Variants in USP14 observed in about 807,000 individuals in gnomAD.
USP14 encodes ubiquitin carboxyl-terminal hydrolase 14.
In USP14, 38 loss-of-function variants were observed where a neutral mutation model predicts 76.5. The observed-to-expected ratio is 0.50, with a 90% CI of 0.38 to 0.65. The LOEUF (loss-of-function observed/expected upper bound fraction) is 0.65, where lower values mean the gene tolerates loss of function less well. Ranked by LOEUF, USP14 falls within the 30% of genes least tolerant of loss-of-function variation. The pLI, the probability that USP14 is intolerant of heterozygous loss-of-function variation, is 0.00. For missense variants in USP14, 467 were observed against 586.5 expected (o/e 0.80, Z 2.10); for synonymous variants, 192 against 191.7 (o/e 1.00, Z -0.01).
chr18:193,119 G>A (rs1208900903), intron 6 of USP14, among the ~76,000 whole-genome samples: 1 of 151,870 alleles, frequency 6.6e-6, no homozygotes, highest in Non-Finnish European at 1.5e-5. Flanking sequence ...GGATTTTTTT[G>A]GATTAAATTA....
intron 10 of USP14, among the ~76,000 whole-genome samples, chr18:200,680 A>G (rs1054499698): frequency 3.9e-5 from 6 of 152,222 alleles, no homozygotes; most frequent in African/African-American, 1.4e-4. Context: ...GGGGATATGT[A>G]TATCTCTCGA....
intron 13 of USP14, among the ~76,000 whole-genome samples, chr18:208,333 TAGTG>T (rs913239518): frequency 1.4e-4 from 22 of 152,176 alleles, no homozygotes; most frequent in African/African-American, 4.1e-4. Context: ...GTAGAGTGTT[TAGTG>T]AGTGAGATCC....
chr18:195,096 T>A (rs1217334055), intron 6 of USP14, among the ~76,000 whole-genome samples: 1 of 152,116 alleles, frequency 6.6e-6, no homozygotes, highest in East Asian at 1.9e-4. Flanking sequence ...AGTTGTTATA[T>A]CTTATTAGTC....
At chr18:171,032 A>ATATATATATATATATATATC (rs1568416833) in intron 3 of USP14, among the ~76,000 whole-genome samples, 1 of 68,622 alleles carries the variant, frequency 1.5e-5, no homozygotes, top group Non-Finnish European at 2.9e-5. Context: ...AAAAATATAT[A>ATATATATATATATATATATC]TATATATATA....
chr18:164,366 G>T (rs1436460221), intron 2 of USP14, among the ~76,000 whole-genome samples: 2 of 151,146 alleles, frequency 1.3e-5, no homozygotes, highest in African/African-American at 4.9e-5. Context: ...AAGCACTTCA[G>T]CATTTTTACC....
chr18:213,330 A>ATT lies in USP14; in HGVS notation c.*2047_*2048dup, dbSNP rs1407002077. ...TATGGACTATATTAGAATTTTAAAA[A>ATT]TTGTAATTAATTCCTTATCATCATT... On this transcript the variant is annotated 3_prime_UTR_variant, in exon 16 of 16. Coordinates refer to ENST00000261601, the MANE Select transcript of USP14 (RefSeq NM_005151.4). The ATT allele has an allele frequency of 1.3e-5, 2 of 148,248 alleles. No homozygotes were observed. The highest frequency in any genetic ancestry group is 3.0e-5 in the Non-Finnish European group (2 of 66,398). 9.2% of individuals were successfully genotyped at this position (148,248 alleles called of 1,614,324 possible).
At chr18:163,536 A>G (rs1909183815) in intron 2 of USP14, 83 bp downstream of exon 2, 1 of 1,472,410 alleles carries the variant, frequency 6.8e-7, no homozygotes. Context: ...TTTAATTTTA[A>G]TGTAGCATTT....
chr18:182,845 G>A (rs1351803292), intron 5 of USP14, among the ~76,000 whole-genome samples: 2 of 152,202 alleles, frequency 1.3e-5, no homozygotes, highest in Non-Finnish European at 2.9e-5. Context: ...AACATACTCA[G>A]TGCAACTGCC....
At chr18:168,145 C>T (rs549127520) in intron 3 of USP14, among the ~76,000 whole-genome samples, 24 of 151,786 alleles carry the variant, frequency 1.6e-4, no homozygotes, top group South Asian at 4.2e-4. Context: ...AGGCTGGTCT[C>T]GAACTCCCGA....
At chr18:201,556 T>A (rs1458213541) in intron 10 of USP14, among the ~76,000 whole-genome samples, 1 of 152,210 alleles carries the variant, frequency 6.6e-6, no homozygotes, top group East Asian at 1.9e-4. Flanking sequence ...CCAGTGTGGA[T>A]ATGAACATGG....
At chr18:165,010 G>C (rs906938217) in intron 2 of USP14, among the ~76,000 whole-genome samples, 1 of 151,962 alleles carries the variant, frequency 6.6e-6, no homozygotes, top group Non-Finnish European at 1.5e-5. Flanking sequence ...GTGCAGTGGC[G>C]CCATCTCGGC....
chr18:199,372 G>A lies in USP14; in HGVS notation c.876+56G>A, dbSNP rs142009010. The A allele has an allele frequency of 1.4e-4, 185 of 1,279,566 alleles. No individual in the cohort carries two copies. In the East Asian group the frequency reaches 4.4e-3, roughly 30 times the overall value. 79.3% of individuals were successfully genotyped at this position (1,279,566 alleles called of 1,614,324 possible). ...TTGTGAATTCCATGTTTGCGAGTAA[G>A]CCAAAGTCATTATTCACTGGGCTTT... On this transcript the variant is annotated intron_variant, in intron 10 of 15. Transcript: ENST00000261601.
intron 10 of USP14, 23 bp downstream of exon 10, chr18:199,339 CTTG>C (rs759249599): frequency 1.2e-4 from 181 of 1,534,874 alleles, no homozygotes; most frequent in Non-Finnish European, 1.2e-4. Context: ...TCAGTCCATC[CTTG>C]TTGTTTGTGA....
chr18:171,021 A>T (rs868523570), intron 3 of USP14, among the ~76,000 whole-genome samples: 360 of 84,444 alleles, frequency 4.3e-3, no homozygotes, highest in Middle Eastern at 6.6e-3. Context: ...AAAAAAAAAA[A>T]AAAAATATAT....
intron 3 of USP14, among the ~76,000 whole-genome samples, chr18:178,298 G>A (rs12456191): frequency 0.21 from 31,744 of 152,106 alleles, 3,814 homozygotes; most frequent in South Asian, 0.28. Flanking sequence ...ATTACAGCAT[G>A]AGCCACCATG....
rs1165272238 is a variant in USP14, at chr18:173,020, C to T, written c.196-5913C>T. Among the ~76,000 whole-genome samples the T allele has an allele frequency of 7.3e-5, 11 of 151,702 alleles. 1 individual carries two copies. Among genetic ancestry groups the T allele is most frequent in the Admixed American group, 7.2e-4 (11 of 15,230 alleles). Reference sequence around the variant, plus strand: ...TGTACTATGTTGTAAGAAATCTTCGCCTGTGCCAAGTTTACAAGATTTTTT... The same window carrying T: ...TGTACTATGTTGTAAGAAATCTTCGTCTGTGCCAAGTTTACAAGATTTTTT... On this transcript the variant is annotated intron_variant, in intron 3 of 15. Coordinates refer to ENST00000261601, the MANE Select transcript of USP14 (RefSeq NM_005151.4).
At chr18:166,761 A>G (rs1401613806) in intron 2 of USP14, 26 bp from the exon 3 acceptor site, 1 of 1,609,356 alleles carries the variant, frequency 6.2e-7, no homozygotes, top group Non-Finnish European at 8.5e-7. Flanking sequence ...TGGTGGTTAA[A>G]TGTCTTTTGT....
rs1163809668 is a variant in USP14, at chr18:158,664, C to A, written c.-35C>A. On this transcript the variant is annotated 5_prime_UTR_variant, in exon 1 of 16. Transcript: ENST00000261601. ...CCTTTGCCGCCCTCGTCAGGCCCAG[C>A]TCTCCTGCGCCGCCGCCTCCCGCCG... 1 of 1,519,928 alleles carries A rather than the reference C, an allele frequency of 6.6e-7. No homozygotes were observed. Among genetic ancestry groups the A allele is most frequent in the Admixed American group, 2.0e-5 (1 of 50,356 alleles). 94.2% of individuals were successfully genotyped at this position (1,519,928 alleles called of 1,614,324 possible). A position where few individuals can be genotyped will look rare whatever the true frequency, so the allele number is the denominator to read the frequency against.
In USP14 at chr18:211,480, G is replaced by T; in HGVS notation, c.*196G>T. 1 of 461,256 alleles carries T rather than the reference G, an allele frequency of 2.2e-6. No homozygotes were observed. 28.6% of individuals were successfully genotyped at this position (461,256 alleles called of 1,614,324 possible). ...GAAGAGAAAATTATCTTTGGATTGT[G>T]CTGCCCTATATAAAGGTGGCAGAAA... is the stretch of plus-strand genomic sequence containing the variant. On this transcript the variant is annotated 3_prime_UTR_variant, in exon 16 of 16. Coordinates refer to ENST00000261601, the MANE Select transcript of USP14 (RefSeq NM_005151.4).
Sources: allele counts gnomAD v4.1 joint callset (sites outside exome capture counted in the v4.1 genomes callset), GRCh38; gene constraint gnomAD v4.1.1; transcripts MANE v1.5; gene names NCBI Gene and HGNC (gene_info 2026-07-23, HGNC 2026-07-21).